The following TULP4 variants were observed in gnomAD, a reference collection of about 807,000 sequenced individuals.
The protein encoded by TULP4 is tubby-related protein 4.
In TULP4, 16 loss-of-function variants were observed where a neutral mutation model predicts 129.0. The ratio of observed to expected loss-of-function variants is 0.12; its 90% confidence interval spans 0.08 to 0.19. TULP4 has a LOEUF of 0.19. Among genes scored for constraint, TULP4 ranks in the 10% least tolerant of loss-of-function variants. TULP4 has a pLI of 1.00. For synonymous variants in TULP4, 998 were observed against 854.0 expected, an observed-to-expected ratio of 1.17 and a Z score of -2.94; for missense variants, 1,842 against 2,059.1, an observed-to-expected ratio of 0.89 and a Z score of 2.04.
At chr6:158,401,460 T>G (rs189381788) in intron 1 of TULP4, among the ~76,000 whole-genome samples, 3 of 152,338 alleles carry the variant, frequency 2.0e-5, no homozygotes, top group Admixed American at 2.0e-4. Context: ...AGTTTGCTTT[T>G]ATCTGTGGAA....
chr6:158,470,250 A>C (rs1459964539), intron 6 of TULP4, among the ~76,000 whole-genome samples: 31 of 152,230 alleles, frequency 2.0e-4, no homozygotes, highest in Non-Finnish European at 1.5e-4. Context: ...CGACGGCGGC[A>C]AACAGCAGTG....
At chr6:158,348,830 CAAA>C in intron 1 of TULP4, among the ~76,000 whole-genome samples, 1 of 130,890 alleles carries the variant, frequency 7.6e-6, no homozygotes, top group South Asian at 2.6e-4. Context: ...ACCTCCCAGA[CAAA>C]GGGCGGCCGG....
In TULP4 at chr6:158,500,700, G is replaced by A. The variant is rs149746913; in HGVS notation, c.2015-978G>A. Reference sequence around the variant, plus strand: ...ACGCACGCTCTGTTAAACTCTCACTGTGTACAAATAGGATATATTTATAGG... The same window carrying A: ...ACGCACGCTCTGTTAAACTCTCACTATGTACAAATAGGATATATTTATAGG... On this transcript the variant is annotated intron_variant, in intron 12 of 13. Coordinates refer to ENST00000367097, the MANE Select transcript of TULP4 (RefSeq NM_020245.5). Among the ~76,000 whole-genome samples, 8 of 152,316 alleles carry A rather than the reference G, an allele frequency of 5.3e-5. No homozygotes were observed. The East Asian group carries it at 1.5e-3, about 29-fold the overall frequency.
At chr6:158,398,714 C>T (rs1380702884) in intron 1 of TULP4, among the ~76,000 whole-genome samples, 1 of 152,196 alleles carries the variant, frequency 6.6e-6, no homozygotes, top group African/African-American at 2.4e-5. Context: ...GTACAAAATT[C>T]AATTGTTCTT....
chr6:158,256,210 A>C (rs1481755614), intron 1 of TULP4, among the ~76,000 whole-genome samples: 1 of 152,232 alleles, frequency 6.6e-6, no homozygotes, highest in African/African-American at 2.4e-5. Context: ...CAGAAAGCAC[A>C]GAAGAGCATC....
At chr6:158,392,790 A>ATTTTTTTTTTTTT (rs1554286987) in intron 1 of TULP4, among the ~76,000 whole-genome samples, 4 of 38,626 alleles carry the variant, frequency 1.0e-4, no homozygotes, top group Non-Finnish European at 1.7e-4. Context: ...TTAAATTTGT[A>ATTTTTTTTTTTTT]TTTCTTTTTT....
chr6:158,506,612 A>T lies in TULP4; in HGVS notation c.4550A>T (p.Tyr1517Phe). Reference protein sequence around the residue: ...MQFGRIDGSAYILDFQYPFSA... With the variant: ...MQFGRIDGSAFILDFQYPFSA... ...TTTGGACGGATTGATGGCAGTGCGT[A>T]CATTCTAGACTTCCAGTATCCGTTC... The change falls in exon 14 of 14, where the codon TAC becomes TTC. Residue 1517 changes from tyrosine to phenylalanine, a missense_variant. Transcript: ENST00000367097. 6.2e-7 allele frequency: 1 copy of T among 1,613,936 alleles called. No individual in the cohort carries two copies. The highest frequency in any genetic ancestry group is 2.2e-5 in the East Asian group (1 of 44,884).
intron 1 of TULP4, among the ~76,000 whole-genome samples, chr6:158,324,328 G>C (rs1779699741): frequency 1.3e-5 from 2 of 152,104 alleles, no homozygotes; most frequent in South Asian, 4.1e-4. Flanking sequence ...TCTTTTTTTA[G>C]ACCAAGTCTG....
In TULP4 at chr6:158,388,316, G is replaced by GTTTTTTTTTTT. The variant is rs1377926300; in HGVS notation, c.253-24744_253-24743insTTTTTTTTTTT. On this transcript the variant is annotated intron_variant, in intron 1 of 13. Transcript: ENST00000367097. ...TTGTTTAAAGAAAAATAATCTGCTC[G>GTTTTTTTTTTT]TTTTTCTTTTTTTTTTTTTTTTTTT... Among the ~76,000 whole-genome samples the GTTTTTTTTTTT allele has an allele frequency of 1.2e-4, 11 of 92,840 alleles. 1 individual carries two copies. Among genetic ancestry groups the GTTTTTTTTTTT allele is most frequent in the Non-Finnish European group, 1.5e-4 (7 of 48,070 alleles). The allele number at this position is 92,840 out of a possible 152,430, so 60.9% of individuals were successfully genotyped here.
In TULP4 at chr6:158,503,851, G is replaced by C. The variant is rs548923370; in HGVS notation, c.4188G>C (p.Leu1396Phe). The C allele has an allele frequency of 6.2e-7, 1 of 1,614,082 alleles. No individual in the cohort carries two copies. Among genetic ancestry groups the C allele is most frequent in the South Asian group, 1.1e-5 (1 of 91,066 alleles). The change falls in exon 13 of 14, where the codon TTG becomes TTC. Residue 1396 changes from leucine (L) to phenylalanine (F), a missense_variant. Transcript: ENST00000367097. This position sits in a 1 kb window ranked among gnomAD's most constrained non-coding sequence, Gnocchi z 4.3. ...AAGACCAACTGAAGTCAAAGAAGTT[G>C]AATAAGACAAACGAGTTCCAGGACA... ...SQKDQLKSKK[L>F]NKTNEFQDSS... is the part of the protein sequence containing the mutation.
At chr6:158,274,113 C>G (rs1167310754) in intron 1 of TULP4, among the ~76,000 whole-genome samples, 2 of 151,920 alleles carry the variant, frequency 1.3e-5, no homozygotes, top group Admixed American at 6.6e-5. Context: ...CAAAAATTAG[C>G]TGGGCATGGT....
chr6:158,350,071 G>A (rs1780468828), intron 1 of TULP4, among the ~76,000 whole-genome samples: 1 of 142,122 alleles, frequency 7.0e-6, no homozygotes, highest in African/African-American at 2.7e-5. Flanking sequence ...GCCGGGCAGA[G>A]GCACTCCACT....
At chr6:158,461,423 A>AATG in intron 5 of TULP4, 140 bp from the exon 6 acceptor site, 2 of 801,476 alleles carry the variant, frequency 2.5e-6, no homozygotes, top group Non-Finnish European at 3.7e-6. Context: ...AAAAAAAAAA[A>AATG]AAAGGAAAAA....
intron 1 of TULP4, among the ~76,000 whole-genome samples, chr6:158,303,020 A>G (rs1056775964): frequency 6.7e-6 from 1 of 149,352 alleles, no homozygotes; most frequent in Non-Finnish European, 1.5e-5. Context: ...ATTAGAGGAA[A>G]TAATAGAAAC....
rs1355912063 is a variant in TULP4 at position 158,349,610 on chromosome 6, A to C, written c.252+35342A>C. Among the ~76,000 whole-genome samples, 10 of 137,732 alleles carry C rather than the reference A, an allele frequency of 7.3e-5. 2 individuals carry two copies. In the South Asian group the frequency reaches 2.3e-3, roughly 32 times the overall value. 90.4% of individuals were successfully genotyped at this position (137,732 alleles called of 152,430 possible). A position where few individuals can be genotyped will look rare whatever the true frequency, so the allele number is the denominator to read the frequency against. On this transcript the variant is annotated intron_variant, in intron 1 of 13. Transcript: ENST00000367097. ...CTCCCAGATAGGGTGGCAGCCGGGCAGAGGCGCCCCTCACTTCCCAGACGG... is the reference window on the plus strand; with the variant it reads ...CTCCCAGATAGGGTGGCAGCCGGGCCGAGGCGCCCCTCACTTCCCAGACGG...
At chr6:158,391,536 G>A (rs552462233) in intron 1 of TULP4, among the ~76,000 whole-genome samples, 1 of 152,246 alleles carries the variant, frequency 6.6e-6, no homozygotes, top group Admixed American at 6.5e-5. Flanking sequence ...TTTTCTCTTA[G>A]CAGTGACATT....
chr6:158,284,631 A>G (rs827854), intron 1 of TULP4, among the ~76,000 whole-genome samples: 20,258 of 152,164 alleles, frequency 0.13, 1,717 homozygotes, highest in African/African-American at 0.23. Context: ...CTGTGGTTAT[A>G]ATGGCAAAAC....
intron 4 of TULP4, 79 bp from the exon 5 acceptor site, chr6:158,452,055 A>G (rs1373106225): frequency 2.5e-6 from 4 of 1,577,924 alleles, no homozygotes; most frequent in East Asian, 2.2e-5. Context: ...CTAAGGCACC[A>G]TGCAAGATTT....
chr6:158,234,896 G>A (rs1337149718), intron 1 of TULP4, among the ~76,000 whole-genome samples: 1 of 152,172 alleles, frequency 6.6e-6, no homozygotes, highest in African/African-American at 2.4e-5. Flanking sequence ...GCTGGGTGTG[G>A]TGGCTCCCGC....
Sources: allele counts gnomAD v4.1 joint callset (sites outside exome capture counted in the v4.1 genomes callset), GRCh38; gene constraint gnomAD v4.1.1; non-coding constraint Gnocchi (gnomAD v3.1); transcripts MANE v1.5; gene names NCBI Gene and HGNC (gene_info 2026-07-23, HGNC 2026-07-21).